The following FGD3 variants were observed in gnomAD, a reference collection of about 807,000 sequenced individuals.
FGD3 encodes FYVE, RhoGEF and PH domain-containing protein 3.
Under a neutral mutation model 71.8 loss-of-function variants are expected in FGD3, and 45 were observed. That is an observed-to-expected ratio of 0.63 (90% CI 0.49 to 0.80). The LOEUF (loss-of-function observed/expected upper bound fraction) is 0.80, where lower values mean the gene tolerates loss of function less well. Ranked by LOEUF, FGD3 falls within the 30% of genes least tolerant of loss-of-function variation. The pLI, the probability that FGD3 is intolerant of heterozygous loss-of-function variation, is 0.00. For missense variants in FGD3, 844 were observed against 951.5 expected (o/e 0.89, Z 1.49); for synonymous variants, 378 against 392.8 (o/e 0.96, Z 0.44).
At chr9:92,989,011 C>T (rs1163054824) in intron 3 of FGD3, among the ~76,000 whole-genome samples, 1 of 152,180 alleles carries the variant, frequency 6.6e-6, no homozygotes, top group Non-Finnish European at 1.5e-5. Context: ...TTTCATGAAA[C>T]ATTATCCTCT....
At chr9:92,994,336 T>G (rs1860544587) in intron 3 of FGD3, among the ~76,000 whole-genome samples, 1 of 150,882 alleles carries the variant, frequency 6.6e-6, no homozygotes, top group Non-Finnish European at 1.5e-5. Context: ...CTTGTAAATT[T>G]GTTTAAGTTC....
chr9:92,976,533 G>A lies in FGD3; in HGVS notation c.277G>A (p.Glu93Lys), dbSNP rs778483427. ...TGTGGCTGGAGAGAACTTTCCCTGC[G>A]AGGAGGGCTTGGAGGCTGGCCCAAG... ...SSVAGENFPC[E>K]EGLEAGPSPT... The change falls in exon 3 of 18, where the codon GAG becomes AAG. Residue 93 changes from glutamate to lysine, a missense_variant. Transcript: ENST00000375482. The A allele has an allele frequency of 1.1e-5, 17 of 1,612,502 alleles. No homozygotes were observed. The Middle Eastern group carries it at 4.9e-4, about 47-fold the overall frequency.
At chr9:92,964,710 G>A (rs1395818793) in intron 1 of FGD3, among the ~76,000 whole-genome samples, 3 of 152,204 alleles carry the variant, frequency 2.0e-5, no homozygotes, top group African/African-American at 2.4e-5. Flanking sequence ...AGGCTGGCAG[G>A]GGCCTGGGTC....
intron 1 of FGD3, among the ~76,000 whole-genome samples, chr9:92,957,562 T>A (rs968820245): frequency 3.9e-5 from 6 of 152,194 alleles, no homozygotes; most frequent in African/African-American, 1.2e-4. Context: ...CGTTTGTCTT[T>A]TTTTTTCATT....
rs997988120 is a variant in FGD3 at position 92,999,445 on chromosome 9, C to T, written c.454-3480C>T. 1.3e-4 allele frequency among the ~76,000 whole-genome samples: 20 copies of T among 152,174 alleles called. 1 individual carries two copies. Among genetic ancestry groups the T allele is most frequent in the African/African-American group, 4.8e-4 (20 of 41,436 alleles). Reference sequence around the variant, plus strand: ...CCGGGTGTGGCAATGCCCCACCCTGCTCCATGGGCTGCACCCACTGTCTGA... The same window carrying T: ...CCGGGTGTGGCAATGCCCCACCCTGTTCCATGGGCTGCACCCACTGTCTGA... On this transcript the variant is annotated intron_variant, in intron 3 of 17. Transcript: ENST00000375482.
intron 10 of FGD3, among the ~76,000 whole-genome samples, chr9:93,016,693 G>A (rs969376303): frequency 4.7e-5 from 7 of 148,150 alleles, no homozygotes; most frequent in South Asian, 4.3e-4. Flanking sequence ...GTGTGATCTC[G>A]GCTCACTGCG....
intron 3 of FGD3, among the ~76,000 whole-genome samples, chr9:92,998,927 C>T (rs1860751112): frequency 6.6e-6 from 1 of 152,198 alleles, no homozygotes; most frequent in Non-Finnish European, 1.5e-5. Context: ...GTCAGGGACC[C>T]ACTTGAGGAG....
chr9:93,007,307 G>T (rs1861106000), intron 6 of FGD3, among the ~76,000 whole-genome samples: 1 of 149,792 alleles, frequency 6.7e-6, no homozygotes, highest in African/African-American at 2.5e-5. Flanking sequence ...TAGCCAGGAT[G>T]TCTCGATTTC....
chr9:93,028,614 G>A (rs1395927678), intron 14 of FGD3, among the ~76,000 whole-genome samples: 1 of 152,228 alleles, frequency 6.6e-6, no homozygotes, highest in African/African-American at 2.4e-5. Context: ...GGCCTTTCCA[G>A]GGGTTGCAGG....
intron 9 of FGD3, 28 bp downstream of exon 9, chr9:93,014,026 G>A (rs776354482): frequency 3.3e-5 from 52 of 1,585,630 alleles, no homozygotes; most frequent in Middle Eastern, 2.0e-4. Context: ...CAGCCCAGCC[G>A]CAGAGCCTCC....
At position 93,010,358 on chromosome 9, in the gene FGD3, A is replaced by T; in HGVS notation, c.950A>T (p.Asp317Val). The change falls in exon 7 of 18, where the codon GAC becomes GTC. Residue 317 changes from aspartate to valine, a missense_variant. By Grantham distance (152) the Asp-to-Val change is radical. Coordinates refer to ENST00000375482, the MANE Select transcript of FGD3 (RefSeq NM_001083536.2). ...GACTATCTGAAGAGGCTCCCGCAGGACGCCCCAGACCGGAAGGATGCGGAG... is the reference window on the plus strand; with the variant it reads ...GACTATCTGAAGAGGCTCCCGCAGGTCGCCCCAGACCGGAAGGATGCGGAG... ...LKDYLKRLPQ[D>V]APDRKDAERS... The T allele has an allele frequency of 6.2e-7, 1 of 1,612,770 alleles. No homozygotes were observed. The highest frequency in any genetic ancestry group is 8.5e-7 in the Non-Finnish European group (1 of 1,179,062).
At chr9:93,010,027 C>G (rs1379745433) in intron 6 of FGD3, among the ~76,000 whole-genome samples, 3 of 152,238 alleles carry the variant, frequency 2.0e-5, no homozygotes, top group South Asian at 4.1e-4. Flanking sequence ...CAAGGGCCAG[C>G]CTGCCTGGGG....
At chr9:92,974,162 T>C (rs79322212) in intron 1 of FGD3, among the ~76,000 whole-genome samples, 8,822 of 152,250 alleles carry the variant, frequency 0.058, 344 homozygotes, top group East Asian at 0.16. Context: ...ACCAGAAGCA[T>C]AATTCCCCCG....
At chr9:92,997,982 A>G (rs914312516) in intron 3 of FGD3, among the ~76,000 whole-genome samples, 1 of 152,112 alleles carries the variant, frequency 6.6e-6, no homozygotes, top group Non-Finnish European at 1.5e-5. Context: ...TCTTTGTGGC[A>G]TTCTCTGTAT....
chr9:93,002,953 T>A lies in FGD3; in HGVS notation c.482T>A (p.Ile161Asn), dbSNP rs1860912144. Residue 161 changes from isoleucine (I) to asparagine (N), a missense_variant, in exon 4 of 18, where the codon ATT becomes AAT. Ile to Asn is a moderately radical substitution (Grantham distance 149, BLOSUM62 -3). Transcript: ENST00000375482. ...TCTGGCCCCCAGAAGCTTCTCCACA[T>A]TGCCCAGGAGCTCCTGCACACCGAG... ...QHSGPQKLLH[I>N]AQELLHTEET... The A allele has an allele frequency of 6.2e-7, 1 of 1,613,858 alleles. No homozygotes were observed. Among genetic ancestry groups the A allele is most frequent in the Non-Finnish European group, 8.5e-7 (1 of 1,179,988 alleles).
chr9:92,989,771 A>C (rs888742977), intron 3 of FGD3, among the ~76,000 whole-genome samples: 1 of 152,194 alleles, frequency 6.6e-6, no homozygotes, highest in African/African-American at 2.4e-5. Flanking sequence ...CCACCTGTGG[A>C]GATATTTAAC....
intron 1 of FGD3, among the ~76,000 whole-genome samples, chr9:92,957,634 A>C (rs1859084455): frequency 6.9e-6 from 1 of 144,298 alleles, no homozygotes; most frequent in South Asian, 2.2e-4. Context: ...TGTATTGCAA[A>C]TGTTTTCTCC....
intron 1 of FGD3, among the ~76,000 whole-genome samples, chr9:92,959,179 G>A (rs940833608): frequency 4.6e-5 from 7 of 151,988 alleles, no homozygotes; most frequent in Admixed American, 3.3e-4. Flanking sequence ...CAGGCTGGTC[G>A]TGAACTCCTG....
chr9:92,999,139 C>A (rs112921808), intron 3 of FGD3, among the ~76,000 whole-genome samples: 8,066 of 152,264 alleles, frequency 0.053, 283 homozygotes, highest in East Asian at 0.15. Flanking sequence ...AGTTTCCCGG[C>A]GGCTTTGTTT....
Sources: allele counts gnomAD v4.1 joint callset (sites outside exome capture counted in the v4.1 genomes callset), GRCh38; gene constraint gnomAD v4.1.1; transcripts MANE v1.5; gene names NCBI Gene and HGNC (gene_info 2026-07-23, HGNC 2026-07-21).